USP33: variants seen among roughly 807,000 people sequenced by gnomAD.
The protein encoded by USP33 is ubiquitin carboxyl-terminal hydrolase 33.
USP33 carries 46 observed loss-of-function variants against 124.2 expected under a neutral mutation model. That is an observed-to-expected ratio of 0.37 (90% CI 0.29 to 0.47). USP33 has a LOEUF of 0.47. Ranked by LOEUF, USP33 falls within the 20% of genes least tolerant of loss-of-function variation. The pLI is 0.99. For missense variants in USP33, 851 were observed against 1,070.6 expected, an observed-to-expected ratio of 0.79 and a Z score of 2.86; for synonymous variants, 350 against 352.3, an observed-to-expected ratio of 0.99 and a Z score of 0.07.
chr1:77,754,591 A>T, intron 1 of USP33, among the ~76,000 whole-genome samples: 1 of 152,224 alleles, frequency 6.6e-6, no homozygotes. Context: ...CTCTGTGAGG[A>T]TTTGAAGATC....
chr1:77,728,812 G>A, intron 9 of USP33, 100 bp from the exon 10 acceptor site: 5 of 1,283,200 alleles, frequency 3.9e-6, no homozygotes, highest in Non-Finnish European at 5.3e-6. Context: ...ATATATGAAG[G>A]TACAGCACTA....
intron 7 of USP33, among the ~76,000 whole-genome samples, chr1:77,733,461 G>C (rs1197899389): frequency 6.6e-6 from 1 of 151,752 alleles, no homozygotes. Flanking sequence ...TAAAAATTAG[G>C]TTATCTTTAT....
chr1:77,699,599 G>A (rs1286606610), intron 22 of USP33, among the ~76,000 whole-genome samples: 2 of 152,182 alleles, frequency 1.3e-5, no homozygotes, highest in Non-Finnish European at 2.9e-5. Context: ...TGGTGGGAAT[G>A]TAAATTAGTT....
At chr1:77,753,721 A>G (rs1680555563) in intron 1 of USP33, among the ~76,000 whole-genome samples, 1 of 151,650 alleles carries the variant, frequency 6.6e-6, no homozygotes, top group South Asian at 2.1e-4. Flanking sequence ...TCTTTGCCTT[A>G]GCTCCCTCAT....
chr1:77,698,261 A>T (rs1196522001), intron 22 of USP33, among the ~76,000 whole-genome samples: 1 of 142,726 alleles, frequency 7.0e-6, no homozygotes, highest in African/African-American at 2.6e-5. Context: ...TTTAGTAGAG[A>T]TGGGAGTTTC....
At chr1:77,712,102 C>A (rs1675328462) in intron 20 of USP33, among the ~76,000 whole-genome samples, 2 of 152,088 alleles carry the variant, frequency 1.3e-5, no homozygotes, top group African/African-American at 2.4e-5. Context: ...TTAGAGCCAA[C>A]AACAAACTAA....
rs747109697 is a variant in USP33 at position 77,723,368 on chromosome 1, G to A, written c.1352C>T (p.Thr451Ile). ...CAGACACTGCACTGAACTAATGATT[G>A]TTCCATCAAATATGTCTGAAATAAC... is the stretch of plus-strand genomic sequence containing the variant. ...RSVISDIFDG[T>I]IISSVQCLTC... Residue 451 changes from threonine (T) to isoleucine (I), a missense_variant, in exon 12 of 24, where the codon ACA becomes ATA. Around this residue, in one of 4 missense-constraint regions of USP33, gnomAD observed 281 missense variants for 425.0 expected, o/e 0.66. Transcript: ENST00000370794. 28 of 1,612,712 alleles carry A rather than the reference G, an allele frequency of 1.7e-5. No individual in the cohort carries two copies. The Admixed American group carries it at 4.5e-4, about 26-fold the overall frequency.
At chr1:77,713,555 T>TTA in intron 19 of USP33, 4 of 231,462 alleles carry the variant, frequency 1.7e-5, no homozygotes, top group Non-Finnish European at 2.4e-5. Context: ...CAGCTAACTT[T>TTA]TCTTTTTTTT....
chr1:77,704,165 C>A (rs1256929394), intron 21 of USP33, among the ~76,000 whole-genome samples: 1 of 151,918 alleles, frequency 6.6e-6, no homozygotes, highest in East Asian at 1.9e-4. Context: ...TATAAGCTCT[C>A]TGAAGGCAAA....
At chr1:77,698,749 C>A (rs989468765) in intron 22 of USP33, among the ~76,000 whole-genome samples, 1 of 152,066 alleles carries the variant, frequency 6.6e-6, no homozygotes, top group Non-Finnish European at 1.5e-5. Flanking sequence ...ATCCACCCCC[C>A]TCGGCCTCCC....
Position 77,701,469 on chromosome 1 carries a change from A to T in USP33, c.2409T>A (p.Leu803=). 6.2e-7 allele frequency: 1 copy of T among 1,611,096 alleles called. No homozygotes were observed. The highest frequency in any genetic ancestry group is 8.5e-7 in the Non-Finnish European group (1 of 1,178,916). The change falls in exon 22 of 24, where the codon CTT becomes CTA. Residue 803 remains leucine, a splice_region_variant and synonymous_variant. Transcript: ENST00000370794. The part of the protein sequence containing the change: ...RKTELEIFIR[L]NRAFQKEDSP... Reference sequence around the variant, plus strand: ...AGTCCTCTTTTTGGAACGCTCTGTTAAGCTACAAGGGGGAAAAAAAACAGT... The same window carrying T: ...AGTCCTCTTTTTGGAACGCTCTGTTTAGCTACAAGGGGGAAAAAAAACAGT...
intron 21 of USP33, among the ~76,000 whole-genome samples, chr1:77,702,136 T>C (rs1229465561): frequency 3.3e-5 from 2 of 61,390 alleles, no homozygotes; most frequent in African/African-American, 7.4e-5. Flanking sequence ...AACAAGACCC[T>C]GTCTCAAAAA....
At position 77,734,407 on chromosome 1, in the gene USP33, C is replaced by A; in HGVS notation, c.464G>T (p.Gly155Val). 6.3e-7 allele frequency: 1 copy of A among 1,589,558 alleles called. No individual in the cohort carries two copies. The highest frequency in any genetic ancestry group is 8.6e-7 in the Non-Finnish European group (1 of 1,169,576). Residue 155 changes from glycine to valine, a missense_variant, in exon 7 of 24, where the codon GGT becomes GTT. Transcript: ENST00000370794. ...EDELRARGLT[G>V]LKNIGNTCYM... ...ACAAGTATTTCCAATATTTTTCAAACCTGTAAGACCTATTAAGAAAAAATA... is the reference window on the plus strand; with the variant it reads ...ACAAGTATTTCCAATATTTTTCAAAACTGTAAGACCTATTAAGAAAAAATA...
chr1:77,727,228 A>AT (rs994830648), intron 10 of USP33, among the ~76,000 whole-genome samples: 1 of 152,100 alleles, frequency 6.6e-6, no homozygotes, highest in Non-Finnish European at 1.5e-5. Context: ...ACTTCGCCAG[A>AT]TTTTTTTCAT....
intron 11 of USP33, among the ~76,000 whole-genome samples, chr1:77,723,944 G>GT (rs1341593569): frequency 6.6e-6 from 1 of 151,724 alleles, no homozygotes; most frequent in East Asian, 1.9e-4. Context: ...GATTACAGGC[G>GT]TGAGCCACCG....
At chr1:77,715,408 T>C (rs1675764620) in intron 18 of USP33, among the ~76,000 whole-genome samples, 2 of 152,214 alleles carry the variant, frequency 1.3e-5, no homozygotes, top group South Asian at 2.1e-4. Flanking sequence ...GGTTTCACCA[T>C]CTTGGCCAGG....
At chr1:77,747,806 C>A (rs537428723) in intron 1 of USP33, among the ~76,000 whole-genome samples, 9 of 152,180 alleles carry the variant, frequency 5.9e-5, no homozygotes, top group Admixed American at 2.0e-4. Context: ...AGATAGGAAC[C>A]CAATTTTATT....
At chr1:77,706,469 A>G (rs1214872341) in intron 21 of USP33, among the ~76,000 whole-genome samples, 6 of 152,202 alleles carry the variant, frequency 3.9e-5, no homozygotes, top group Non-Finnish European at 7.3e-5. Context: ...GTAAACACCT[A>G]TAACTTACAC....
At chr1:77,747,156 CT>C (rs1679823773) in intron 1 of USP33, among the ~76,000 whole-genome samples, 1 of 151,914 alleles carries the variant, frequency 6.6e-6, no homozygotes, top group South Asian at 2.1e-4. Context: ...AGATTGCCCT[CT>C]CCCCACTGAA....
Sources: gnomAD v4.1 joint callset for allele counts (sites outside exome capture counted in the v4.1 genomes callset) on GRCh38, gnomAD v4.1.1 for gene constraint, gnomAD v4.1.1 regional missense constraint, MANE v1.5 for transcripts, NCBI Gene and HGNC (gene_info 2026-07-23, HGNC 2026-07-21) for gene names.